FHIP1A: variants seen among roughly 807,000 people sequenced by gnomAD.
FHIP1A encodes FHF complex subunit HOOK interacting protein 1A, also known as FHF complex subunit HOOK-interacting protein 1A.
A neutral mutation model predicts 88.6 loss-of-function variants in FHIP1A; 61 were observed. The observed-to-expected ratio is 0.69, with a 90% CI of 0.56 to 0.85. The LOEUF (loss-of-function observed/expected upper bound fraction) is 0.85. FHIP1A is among the 40% of genes least tolerant of loss of function. The pLI, the probability that FHIP1A is intolerant of heterozygous loss-of-function variation, is 0.00. For missense variants in FHIP1A, 1,154 were observed against 1,273.5 expected, an observed-to-expected ratio of 0.91 and a Z score of 1.43; for synonymous variants, 478 against 496.0, an observed-to-expected ratio of 0.96 and a Z score of 0.48.
chr4:151,556,865 A>G (rs1732966161), intron 3 of FHIP1A, among the ~76,000 whole-genome samples: 1 of 152,030 alleles, frequency 6.6e-6, no homozygotes, highest in Non-Finnish European at 1.5e-5. Flanking sequence ...GAAGACATAT[A>G]TTATTTTTTG....
chr4:151,423,281 T>C (rs1733244428), intron 1 of FHIP1A, among the ~76,000 whole-genome samples: 1 of 152,056 alleles, frequency 6.6e-6, no homozygotes, highest in Admixed American at 6.5e-5. Context: ...ATCAAGATGC[T>C]GATTTTCATA....
intron 1 of FHIP1A, among the ~76,000 whole-genome samples, chr4:151,451,968 A>G (rs373523938): frequency 6.6e-6 from 1 of 151,150 alleles, no homozygotes; most frequent in Non-Finnish European, 1.5e-5. Context: ...CCACACACAC[A>G]CCACCATGCT....
At chr4:151,502,455 A>G (rs1730688369) in intron 3 of FHIP1A, among the ~76,000 whole-genome samples, 1 of 152,230 alleles carries the variant, frequency 6.6e-6, no homozygotes, top group African/African-American at 2.4e-5. Context: ...AGGAGCTGAA[A>G]GATACAAGAA....
intron 3 of FHIP1A, among the ~76,000 whole-genome samples, chr4:151,565,519 C>T (rs1460781902): frequency 6.6e-6 from 1 of 152,000 alleles, no homozygotes; most frequent in East Asian, 1.9e-4. Context: ...AAACTTTAAC[C>T]TAGTTTATAG....
intron 3 of FHIP1A, among the ~76,000 whole-genome samples, chr4:151,508,436 G>A (rs1163073375): frequency 6.6e-6 from 1 of 152,100 alleles, no homozygotes; most frequent in East Asian, 1.9e-4. Context: ...GCCTTGAGCT[G>A]GGATCTGGCC....
In FHIP1A at chr4:151,537,634, A is replaced by G. The variant is rs915113019; in HGVS notation, c.-122-28504A>G. Among the ~76,000 whole-genome samples, 7 of 152,104 alleles carry G rather than the reference A, an allele frequency of 4.6e-5. No homozygotes were observed. The South Asian group carries it at 6.2e-4, about 14-fold the overall frequency. On this transcript the variant is annotated intron_variant, in intron 3 of 13. Transcript: ENST00000435205. Reference sequence around the variant, plus strand: ...AATTCATCAGTTTTTTCTTTTACAGATTGTGCTTGTGGTGTCAAGTCTAAG... The same window carrying G: ...AATTCATCAGTTTTTTCTTTTACAGGTTGTGCTTGTGGTGTCAAGTCTAAG...
At chr4:151,490,752 A>C (rs1730253742) in intron 3 of FHIP1A, among the ~76,000 whole-genome samples, 1 of 148,446 alleles carries the variant, frequency 6.7e-6, no homozygotes, top group Non-Finnish European at 1.5e-5. Flanking sequence ...AAAAAAAAAA[A>C]CAGGATATGG....
chr4:151,447,201 A>G (rs1236301714), intron 1 of FHIP1A, among the ~76,000 whole-genome samples: 2 of 152,174 alleles, frequency 1.3e-5, no homozygotes, highest in Non-Finnish European at 2.9e-5. Flanking sequence ...TTAGGACTGT[A>G]ACAAAAGTGT....
rs1336589812 is a variant in FHIP1A at position 151,453,856 on chromosome 4, C to T, written c.-355-845C>T. ...TGCACTTTAGCCAGGGCAACAAGAG[C>T]GAAACTCCATCTCAAAAACAAAAAC... On this transcript the variant is annotated intron_variant, in intron 1 of 13. Coordinates refer to ENST00000435205, the MANE Select transcript of FHIP1A (RefSeq NM_001109977.3). Among the ~76,000 whole-genome samples the T allele has an allele frequency of 1.5e-4, 23 of 151,822 alleles. 1 individual carries two copies. Among genetic ancestry groups the T allele is most frequent in the Admixed American group, 1.1e-3 (16 of 15,222 alleles).
At chr4:151,619,974 G>GTTTTTTTTTTTTTTTTTTTTTTTT (rs1329145477) in intron 7 of FHIP1A, among the ~76,000 whole-genome samples, 1 of 152,146 alleles carries the variant, frequency 6.6e-6, no homozygotes, top group Non-Finnish European at 1.5e-5. Flanking sequence ...GGGAAATGTG[G>GTTTTTTTTTTTTTTTTTTTTTTTT]TTTTTTATTA....
chr4:151,445,849 AATATAT>A lies in FHIP1A; in HGVS notation c.-355-8833_-355-8828del, dbSNP rs56199696. Among the ~76,000 whole-genome samples the A allele has an allele frequency of 8.3e-4, 81 of 97,998 alleles. 1 individual carries two copies. The highest frequency in any genetic ancestry group is 3.1e-3 in the East Asian group (11 of 3,546). 64.3% of individuals were successfully genotyped at this position (97,998 alleles called of 152,430 possible). ...CAGCCTGAGAGACCTCATCTCTTAA[AATATAT>A]ATATATATATATATATATTTCATAT... On this transcript the variant is annotated intron_variant, in intron 1 of 13. Coordinates refer to ENST00000435205, the MANE Select transcript of FHIP1A (RefSeq NM_001109977.3).
At chr4:151,594,375 C>CT (rs1278740219) in intron 7 of FHIP1A, among the ~76,000 whole-genome samples, 4 of 151,766 alleles carry the variant, frequency 2.6e-5, no homozygotes, top group East Asian at 3.9e-4. Context: ...TGGTCCTGGG[C>CT]TTTTTTTTGG....
chr4:151,568,322 T>G (rs897723496), intron 4 of FHIP1A, among the ~76,000 whole-genome samples: 3 of 152,234 alleles, frequency 2.0e-5, no homozygotes. Context: ...GTTAAATATT[T>G]TCTTTTATAA....
intron 5 of FHIP1A, 96 bp downstream of exon 5, chr4:151,578,172 T>TACAACTTACTGGGAGAAAA: frequency 8.7e-7 from 1 of 1,153,810 alleles, no homozygotes; most frequent in Non-Finnish European, 1.2e-6. Context: ...TTTCTCCCAG[T>TACAACTTACTGGGAGAAAA]AAGTTGTACT....
intron 1 of FHIP1A, among the ~76,000 whole-genome samples, chr4:151,451,991 A>T (rs1728807863): frequency 6.6e-6 from 1 of 151,890 alleles, no homozygotes; most frequent in Non-Finnish European, 1.5e-5. Context: ...GCTAATTTTT[A>T]AAATTTTTTT....
chr4:151,485,161 A>G (rs1730032021), intron 3 of FHIP1A, among the ~76,000 whole-genome samples: 2 of 152,124 alleles, frequency 1.3e-5, no homozygotes, highest in Non-Finnish European at 1.5e-5. Context: ...ATCAATTTTT[A>G]AATTATAATC....
intron 7 of FHIP1A, among the ~76,000 whole-genome samples, chr4:151,594,102 G>A (rs1327764719): frequency 6.6e-6 from 1 of 152,202 alleles, no homozygotes; most frequent in Non-Finnish European, 1.5e-5. Flanking sequence ...TGCATCCCAG[G>A]GATGAAGCTG....
chr4:151,481,776 CTA>C (rs1351767929), intron 2 of FHIP1A, among the ~76,000 whole-genome samples: 1 of 152,028 alleles, frequency 6.6e-6, no homozygotes, highest in Non-Finnish European at 1.5e-5. Context: ...TGTTTAGTAT[CTA>C]TGTTGGCTTC....
rs776933575 is a variant in FHIP1A, at chr4:151,467,827, CAG to C, written c.-248+13020_-248+13021del. Reference sequence around the variant, plus strand: ...GGGAACGACACACACCAGGACCTGTCAGGGGGTGGAGGGCAAGGGGAGGGAGA... The same window carrying C: ...GGGAACGACACACACCAGGACCTGTCGGGGTGGAGGGCAAGGGGAGGGAGA... On this transcript the variant is annotated intron_variant, in intron 2 of 13. Coordinates refer to ENST00000435205, the MANE Select transcript of FHIP1A (RefSeq NM_001109977.3). Among the ~76,000 whole-genome samples the C allele has an allele frequency of 5.9e-5, 9 of 152,022 alleles. No individual in the cohort carries two copies. In the South Asian group the frequency reaches 6.3e-4, roughly 11 times the overall value.
Sources: gnomAD v4.1 joint callset for allele counts (sites outside exome capture counted in the v4.1 genomes callset) on GRCh38, gnomAD v4.1.1 for gene constraint, MANE v1.5 for transcripts, NCBI Gene and HGNC (gene_info 2026-07-23, HGNC 2026-07-21) for gene names.